Variants in DLGAP1 observed in about 807,000 individuals in gnomAD.
DLGAP1 encodes the protein disks large-associated protein 1.
A neutral mutation model predicts 90.8 loss-of-function variants in DLGAP1; 11 were observed. The observed-to-expected ratio is 0.12, with a 90% CI of 0.08 to 0.20. The LOEUF is 0.20. Ranked by LOEUF, DLGAP1 falls within the 10% of genes least tolerant of loss-of-function variation. DLGAP1 has a pLI of 1.00. For synonymous variants in DLGAP1, 558 were observed against 540.7 expected (o/e 1.03, Z -0.44); for missense variants, 1,050 against 1,333.8 (o/e 0.79, Z 3.31).
chr18:3,573,227 C>A (rs974414327), intron 8 of DLGAP1, among the ~76,000 whole-genome samples: 3 of 151,998 alleles, frequency 2.0e-5, no homozygotes, highest in Non-Finnish European at 4.4e-5. Context: ...CTTGTCTGGG[C>A]GCAGTGGTTC....
At chr18:4,178,082 C>T (rs1482562054) in intron 1 of DLGAP1, among the ~76,000 whole-genome samples, 1 of 152,048 alleles carries the variant, frequency 6.6e-6, no homozygotes, top group East Asian at 1.9e-4. Context: ...GACTTCCACT[C>T]AAATCTTTAT....
chr18:3,544,942 C>A (rs758374756), intron 9 of DLGAP1, among the ~76,000 whole-genome samples: 5 of 151,712 alleles, frequency 3.3e-5, no homozygotes, highest in Non-Finnish European at 7.4e-5. Flanking sequence ...TGTATATATA[C>A]AACAATAAAG....
rs58143020 is a variant in DLGAP1, at chr18:4,029,948, A to G, written c.-158-24747T>C. 1.3e-3 allele frequency among the ~76,000 whole-genome samples: 192 copies of G among 152,212 alleles called. 4 individuals carry two copies. The East Asian group carries it at 0.035, about 28-fold the overall frequency. ...AGCATTGATCACCTTCTCACATTCTATTTATTGCCTTTCTCCTCCCACTAG... is the reference window on the plus strand; with the variant it reads ...AGCATTGATCACCTTCTCACATTCTGTTTATTGCCTTTCTCCTCCCACTAG... On this transcript the variant is annotated intron_variant, in intron 2 of 12. Transcript: ENST00000315677.
rs763466156 is a variant in DLGAP1 at position 4,045,432 on chromosome 18, C to CAAAAAAAAAAAAAAAAAAAAAAAA, written c.-158-40255_-158-40232dup. On this transcript the variant is annotated intron_variant, in intron 2 of 12. Transcript: ENST00000315677. ...GTAACATAGAAAGACCCCATCTCTA[C>CAAAAAAAAAAAAAAAAAAAAAAAA]AAAAAAAAAAAAAAAAAAAAAAAAA... is the stretch of plus-strand genomic sequence containing the variant. 3.1e-4 allele frequency among the ~76,000 whole-genome samples: 9 copies of CAAAAAAAAAAAAAAAAAAAAAAAA among 29,196 alleles called. 1 individual carries two copies. Among genetic ancestry groups the CAAAAAAAAAAAAAAAAAAAAAAAA allele is most frequent in the African/African-American group, 8.6e-4 (7 of 8,102 alleles). 19.2% of individuals were successfully genotyped at this position (29,196 alleles called of 152,430 possible).
intron 7 of DLGAP1, among the ~76,000 whole-genome samples, chr18:3,663,749 C>T (rs981778480): frequency 1.3e-5 from 2 of 152,214 alleles, no homozygotes; most frequent in Admixed American, 1.3e-4. Context: ...ATAATGCTGT[C>T]TTGGACTCTC....
At chr18:3,784,548 C>T (rs532355280) in intron 5 of DLGAP1, among the ~76,000 whole-genome samples, 1 of 152,264 alleles carries the variant, frequency 6.6e-6, no homozygotes, top group Non-Finnish European at 1.5e-5. Context: ...TCCCAATCAA[C>T]GGCAACCCAC....
At chr18:4,248,306 G>A (rs569842829) in intron 1 of DLGAP1, among the ~76,000 whole-genome samples, 6 of 152,184 alleles carry the variant, frequency 3.9e-5, no homozygotes, top group African/African-American at 7.2e-5. Context: ...GCAGGAGCCC[G>A]AACCATACTT....
In DLGAP1 at chr18:4,329,884, C is replaced by G. The variant is rs567816856; in HGVS notation, c.-267+125122G>C. 1.3e-5 allele frequency among the ~76,000 whole-genome samples: 2 copies of G among 151,744 alleles called. 1 individual carries two copies. The highest frequency in any genetic ancestry group is 4.2e-4 in the South Asian group (2 of 4,816). The stretch of plus-strand genomic sequence containing the variant: ...GTTTTGGTAGCAGGATATTGCAGAC[C>G]CCATAAAACGAGGTTTGGAGAATTA... On this transcript the variant is annotated intron_variant, in intron 1 of 12. Coordinates refer to ENST00000315677, the MANE Select transcript of DLGAP1 (RefSeq NM_004746.4).
At chr18:3,645,048 G>A (rs563673994) in intron 7 of DLGAP1, among the ~76,000 whole-genome samples, 1 of 152,242 alleles carries the variant, frequency 6.6e-6, no homozygotes, top group Non-Finnish European at 1.5e-5. Context: ...CCTGTTAAGG[G>A]GAATGGGAAC....
Position 4,317,278 on chromosome 18 carries a change from C to T in DLGAP1, c.-267+137728G>A, listed in dbSNP as rs60080931. ...ACATCCTTGTTACTGACACATTCAC[C>T]GGCTTATTTAATTCTTCATCTATTA... is the stretch of plus-strand genomic sequence containing the variant. On this transcript the variant is annotated intron_variant, in intron 1 of 12. Transcript: ENST00000315677. 6.0e-3 allele frequency among the ~76,000 whole-genome samples: 911 copies of T among 152,186 alleles called. 7 individuals carry two copies. The highest frequency in any genetic ancestry group is 0.02 in the African/African-American group (812 of 41,534).
chr18:4,276,736 T>G (rs1199835504), intron 1 of DLGAP1, among the ~76,000 whole-genome samples: 1 of 152,108 alleles, frequency 6.6e-6, no homozygotes, highest in East Asian at 1.9e-4. Context: ...ATTTTCAAAG[T>G]CTATTTTTTA....
intron 3 of DLGAP1, among the ~76,000 whole-genome samples, chr18:3,965,350 A>G (rs2073301191): frequency 6.6e-6 from 1 of 152,184 alleles, no homozygotes; most frequent in African/African-American, 2.4e-5. Flanking sequence ...TTAAAACCAT[A>G]ATCTATGGTG....
chr18:3,859,330 C>A (rs760691661), intron 4 of DLGAP1, among the ~76,000 whole-genome samples: 1 of 152,098 alleles, frequency 6.6e-6, no homozygotes, highest in Admixed American at 6.5e-5. Context: ...ATCTTTCACA[C>A]CAAGTTTAAA....
intron 1 of DLGAP1, among the ~76,000 whole-genome samples, chr18:4,225,352 G>C (rs946864665): frequency 1.3e-5 from 2 of 151,994 alleles, no homozygotes; most frequent in Non-Finnish European, 2.9e-5. Context: ...AGCCCAGACT[G>C]TGAAAACTAC....
At chr18:4,046,275 G>T (rs1234763218) in intron 2 of DLGAP1, among the ~76,000 whole-genome samples, 1 of 152,144 alleles carries the variant, frequency 6.6e-6, no homozygotes, top group Non-Finnish European at 1.5e-5. Context: ...TTGCATAATA[G>T]ATTGCAAAAT....
At chr18:4,451,377 T>C (rs547306684) in intron 1 of DLGAP1, among the ~76,000 whole-genome samples, 1 of 152,288 alleles carries the variant, frequency 6.6e-6, no homozygotes, top group East Asian at 1.9e-4. Flanking sequence ...GTAGCAAATA[T>C]ACAGTATACA....
intron 1 of DLGAP1, among the ~76,000 whole-genome samples, chr18:4,382,437 A>G (rs1370204267): frequency 6.6e-6 from 1 of 151,636 alleles, no homozygotes; most frequent in East Asian, 1.9e-4. Flanking sequence ...AAAATCTACT[A>G]ATTGATCATG....
At chr18:3,759,256 C>T (rs1598620133) in intron 5 of DLGAP1, among the ~76,000 whole-genome samples, 2 of 129,334 alleles carry the variant, frequency 1.5e-5, no homozygotes, top group Admixed American at 7.8e-5. Flanking sequence ...TATTGCTCTG[C>T]CAAAAAAAAA....
intron 1 of DLGAP1, among the ~76,000 whole-genome samples, chr18:4,168,510 T>C (rs2076969650): frequency 6.6e-6 from 1 of 152,116 alleles, no homozygotes; most frequent in Non-Finnish European, 1.5e-5. Flanking sequence ...CTTTTTCACC[T>C]TCCCAAACTA....
Sources: allele counts gnomAD v4.1 joint callset (sites outside exome capture counted in the v4.1 genomes callset), GRCh38; gene constraint gnomAD v4.1.1; transcripts MANE v1.5; gene names NCBI Gene and HGNC (gene_info 2026-07-23, HGNC 2026-07-21).